MICAL3: variants seen among roughly 807,000 people sequenced by gnomAD.
The protein encoded by MICAL3 is [F-actin]-monooxygenase MICAL3.
In MICAL3, 62 loss-of-function variants were observed where a neutral mutation model predicts 207.4. The ratio of observed to expected loss-of-function variants is 0.30; its 90% confidence interval spans 0.24 to 0.37. The LOEUF (loss-of-function observed/expected upper bound fraction) is 0.37. Among genes scored for constraint, MICAL3 ranks in the 10% least tolerant of loss-of-function variants. MICAL3 has a pLI of 1.00. For missense variants in MICAL3, 2,368 were observed against 2,635.6 expected, an observed-to-expected ratio of 0.90 and a Z score of 2.22; for synonymous variants, 1,077 against 1,069.3, an observed-to-expected ratio of 1.01 and a Z score of -0.14.
At position 17,876,817 on chromosome 22, in the gene MICAL3, TTA is replaced by T. The variant is rs1168305717; in HGVS notation, c.2242-4796_2242-4795del. On this transcript the variant is annotated intron_variant, in intron 16 of 31. Transcript: ENST00000441493. Reference sequence around the variant, plus strand: ...AGGGAAGTTATGGAGGTTAGGGAGGTTAGGGAGGTTATGGAGGTTAGGGAGGT... The same window carrying T: ...AGGGAAGTTATGGAGGTTAGGGAGGTGGGAGGTTATGGAGGTTAGGGAGGT... The T allele has an allele frequency of 6.0e-5, 7 of 117,210 alleles. 1 individual carries two copies. Among genetic ancestry groups the T allele is most frequent in the South Asian group, 5.1e-4 (2 of 3,892 alleles). 7.3% of individuals were successfully genotyped at this position (117,210 alleles called of 1,614,324 possible).
chr22:17,976,573 A>G (rs1289460749), intron 1 of MICAL3, among the ~76,000 whole-genome samples: 1,874 of 87,098 alleles, frequency 0.022, 59 homozygotes, highest in African/African-American at 0.1. Context: ...ATATATATAT[A>G]TATATATATA....
chr22:17,882,960 G>A (rs549608628), intron 16 of MICAL3, among the ~76,000 whole-genome samples: 33 of 152,146 alleles, frequency 2.2e-4, no homozygotes, highest in Non-Finnish European at 4.1e-4. Flanking sequence ...TGCTTCTGGC[G>A]GCCCCTCAGT....
chr22:17,827,582 G>A (rs528745930), intron 22 of MICAL3, 62 bp downstream of exon 22: 53 of 1,487,116 alleles, frequency 3.6e-5, no homozygotes, highest in African/African-American at 3.1e-4. Context: ...CCCCTGTGGC[G>A]ACAGAGGCAG....
At chr22:17,881,895 T>G (rs1929465356) in intron 16 of MICAL3, among the ~76,000 whole-genome samples, 1 of 152,200 alleles carries the variant, frequency 6.6e-6, no homozygotes, top group Non-Finnish European at 1.5e-5. Flanking sequence ...TTTTCCCTCA[T>G]TTCTGCCCCC....
intron 29 of MICAL3, among the ~76,000 whole-genome samples, chr22:17,797,361 G>C (rs2061887415): frequency 6.6e-6 from 1 of 152,212 alleles, no homozygotes; most frequent in South Asian, 2.1e-4. Flanking sequence ...GTGTGGTAGT[G>C]TGAGTATCTA....
chr22:17,982,834 C>CA (rs1489515957), intron 1 of MICAL3, among the ~76,000 whole-genome samples: 1 of 151,830 alleles, frequency 6.6e-6, no homozygotes, highest in African/African-American at 2.4e-5. Flanking sequence ...GTACTTCTTC[C>CA]ACAGAAACAC....
rs762309451 is a variant in MICAL3, at chr22:17,896,870, G to T, written c.1060C>A (p.Leu354Met). The change falls in exon 8 of 32, where the codon CTG (leucine) becomes ATG (methionine). Residue 354 changes from leucine (L) to methionine (M), a missense_variant. Physicochemically the swap from Leu to Met is conservative, Grantham distance 15. Coordinates refer to ENST00000441493, the MANE Select transcript of MICAL3 (RefSeq NM_015241.3). ...DFSTQQQLPS[L>M]DFAINHYGQP... ...CCATAGTGATTGATGGCAAAATCCA[G>T]AGACGGCAGCTGCTGCTGGGTAGAG... 1.2e-6 allele frequency: 2 copies of T among 1,614,030 alleles called. No individual in the cohort carries two copies. The highest frequency in any genetic ancestry group is 8.5e-7 in the Non-Finnish European group (1 of 1,180,018).
chr22:17,948,341 G>A (rs1254210790), intron 1 of MICAL3, among the ~76,000 whole-genome samples: 4 of 152,226 alleles, frequency 2.6e-5, no homozygotes, highest in Non-Finnish European at 5.9e-5. Flanking sequence ...CGGTCACTTT[G>A]GTGGACTCCA....
At chr22:18,006,206 G>T (rs76823523) in intron 1 of MICAL3, 1 of 152,208 alleles carries the variant, frequency 6.6e-6, no homozygotes, top group South Asian at 2.1e-4. Context: ...TGATGGATCC[G>T]CACATGAAGT....
intron 15 of MICAL3, among the ~76,000 whole-genome samples, chr22:17,886,825 T>C (rs537989102): frequency 1.4e-3 from 144 of 101,280 alleles, no homozygotes; most frequent in African/African-American, 5.8e-3. Flanking sequence ...AAAAAAAAAT[T>C]ACAAAAATTA....
intron 1 of MICAL3, among the ~76,000 whole-genome samples, chr22:17,934,986 A>G (rs952229517): frequency 1.3e-5 from 2 of 152,236 alleles, no homozygotes; most frequent in Admixed American, 1.3e-4. Context: ...AGAATATTCC[A>G]TGCTCATGGA....
At chr22:17,827,602 G>A (rs1462255345) in intron 22 of MICAL3, 42 bp downstream of exon 22, 5 of 1,512,432 alleles carry the variant, frequency 3.3e-6, no homozygotes, top group Non-Finnish European at 4.4e-6. Context: ...GCAGGCGGGT[G>A]GTGCTCGGGG....
chr22:17,992,342 C>T (rs1410743865), intron 1 of MICAL3, among the ~76,000 whole-genome samples: 3 of 152,186 alleles, frequency 2.0e-5, no homozygotes, highest in East Asian at 3.9e-4. Context: ...TCTAGAAATT[C>T]TCAATCTTAT....
intron 10 of MICAL3, 81 bp downstream of exon 10, chr22:17,895,203 G>T: frequency 7.1e-7 from 1 of 1,399,716 alleles, no homozygotes; most frequent in Non-Finnish European, 1.0e-6. Flanking sequence ...GGTATTAATA[G>T]GTGCACGCAT....
chr22:17,853,496 C>A (rs1222505832), intron 19 of MICAL3, among the ~76,000 whole-genome samples: 1 of 152,252 alleles, frequency 6.6e-6, no homozygotes, highest in African/African-American at 2.4e-5. Context: ...CCAGAATTTC[C>A]TGGAATCCTT....
chr22:17,920,962 A>C (rs1483772827), intron 1 of MICAL3, among the ~76,000 whole-genome samples: 1 of 152,176 alleles, frequency 6.6e-6, no homozygotes, highest in Non-Finnish European at 1.5e-5. Context: ...GGGATCATGC[A>C]AACCCACCTT....
intron 1 of MICAL3, chr22:18,007,285 T>C (rs1471359728): frequency 1.3e-5 from 2 of 152,260 alleles, no homozygotes; most frequent in East Asian, 3.8e-4. Flanking sequence ...TGTTTTCTTG[T>C]ATTTTTCTGT....
At chr22:17,937,502 A>G (rs1455461067) in intron 1 of MICAL3, among the ~76,000 whole-genome samples, 1 of 152,084 alleles carries the variant, frequency 6.6e-6, no homozygotes, top group Non-Finnish European at 1.5e-5. Flanking sequence ...CGTCTCTACT[A>G]AAAATACAAA....
Position 17,921,632 on chromosome 22 carries a change from G to C in MICAL3, c.-74-14746C>G, listed in dbSNP as rs186551398. On this transcript the variant is annotated intron_variant, in intron 1 of 31. Transcript: ENST00000441493. ...GCCTCCCTAGTAGCTGGGATTACAG[G>C]CATGTGCGACCACACCTGGATAATT... 1.8e-4 allele frequency among the ~76,000 whole-genome samples: 27 copies of C among 152,266 alleles called. No homozygotes were observed. In the East Asian group the frequency reaches 4.8e-3, roughly 27 times the overall value.
Sources: allele counts gnomAD v4.1 joint callset (sites outside exome capture counted in the v4.1 genomes callset), GRCh38; gene constraint gnomAD v4.1.1; transcripts MANE v1.5; gene names NCBI Gene and HGNC (gene_info 2026-07-23, HGNC 2026-07-21).